The following XKR4 variants were observed in gnomAD, a reference collection of about 807,000 sequenced individuals.
The protein encoded by XKR4 is XK-related protein 4.
Under a neutral mutation model 53.9 loss-of-function variants are expected in XKR4, and 12 were observed. The ratio of observed to expected loss-of-function variants is 0.22; its 90% confidence interval spans 0.14 to 0.36. The LOEUF is 0.36. Among genes scored for constraint, XKR4 ranks in the 10% least tolerant of loss-of-function variants. The pLI is 1.00. For synonymous variants in XKR4, 354 were observed against 362.4 expected, an observed-to-expected ratio of 0.98 and a Z score of 0.26; for missense variants, 799 against 859.5, an observed-to-expected ratio of 0.93 and a Z score of 0.88.
At chr8:55,261,876 G>C (rs192911981) in intron 1 of XKR4, among the ~76,000 whole-genome samples, 203 of 151,090 alleles carry the variant, frequency 1.3e-3, no homozygotes, top group African/African-American at 4.7e-3. Flanking sequence ...GGAAGATTTG[G>C]CTTTTTTTTT....
intron 1 of XKR4, among the ~76,000 whole-genome samples, chr8:55,259,712 G>A (rs1031557559): frequency 3.9e-5 from 6 of 152,122 alleles, no homozygotes; most frequent in African/African-American, 1.2e-4. Flanking sequence ...TACCTATCTG[G>A]TCATTTTATG....
At chr8:55,390,410 T>A (rs1283332980) in intron 2 of XKR4, among the ~76,000 whole-genome samples, 1 of 152,130 alleles carries the variant, frequency 6.6e-6, no homozygotes, top group East Asian at 1.9e-4. Context: ...CTGAAAAGGG[T>A]TTTTTACAAA....
rs546719984 is a variant in XKR4, at chr8:55,242,067, CAGA to C, written c.807-115607_807-115605del. On this transcript the variant is annotated intron_variant, in intron 1 of 2. Transcript: ENST00000327381. ...CTTTTATTCTGAATGGTTTAAGTGCCAGAAGATTTTACCTATGAATGCAGCTCA... is the reference window on the plus strand; with the variant it reads ...CTTTTATTCTGAATGGTTTAAGTGCCAGATTTTACCTATGAATGCAGCTCA... Among the ~76,000 whole-genome samples, 6 of 152,162 alleles carry C rather than the reference CAGA, an allele frequency of 3.9e-5. No individual in the cohort carries two copies. In the South Asian group the frequency reaches 1.2e-3, roughly 32 times the overall value.
intron 2 of XKR4, among the ~76,000 whole-genome samples, chr8:55,361,759 C>T (rs763054306): frequency 1.2e-4 from 18 of 152,112 alleles, no homozygotes; most frequent in East Asian, 5.8e-4. Flanking sequence ...TCTGCAACCA[C>T]GCTGCGCTCC....
intron 1 of XKR4, among the ~76,000 whole-genome samples, chr8:55,307,178 G>T (rs919211035): frequency 6.6e-6 from 1 of 152,182 alleles, no homozygotes; most frequent in Admixed American, 6.5e-5. Context: ...CTCTGTGGAA[G>T]ACTCTGCTAA....
At chr8:55,188,587 A>G (rs1224341760) in intron 1 of XKR4, among the ~76,000 whole-genome samples, 2 of 152,190 alleles carry the variant, frequency 1.3e-5, no homozygotes, top group Admixed American at 1.3e-4. Flanking sequence ...TCCTTTGAAA[A>G]CAGAAACCTG....
rs562886743 is a variant in XKR4, at chr8:55,296,741, G to T, written c.807-60937G>T. 3.3e-5 allele frequency among the ~76,000 whole-genome samples: 5 copies of T among 152,176 alleles called. No homozygotes were observed. In the South Asian group the frequency reaches 1.0e-3, roughly 32 times the overall value. On this transcript the variant is annotated intron_variant, in intron 1 of 2. Transcript: ENST00000327381. Reference sequence around the variant, plus strand: ...CTGCCCAAGACTATGCAGGACCAGAGGAGACCCTAAGATTGGAGAAGTCAA... The same window carrying T: ...CTGCCCAAGACTATGCAGGACCAGATGAGACCCTAAGATTGGAGAAGTCAA...
chr8:55,472,430 T>C (rs1354029609), intron 2 of XKR4, among the ~76,000 whole-genome samples: 1 of 152,142 alleles, frequency 6.6e-6, no homozygotes, highest in African/African-American at 2.4e-5. Context: ...TGAACATGCA[T>C]TGTTATGCTG....
intron 2 of XKR4, among the ~76,000 whole-genome samples, chr8:55,493,246 T>C (rs2622580): frequency 0.42 from 63,422 of 152,098 alleles, 14,652 homozygotes; most frequent in African/African-American, 0.62. Flanking sequence ...CAGAAAATCA[T>C]AGCATCCTAC....
chr8:55,480,103 G>C (rs1806075885), intron 2 of XKR4, among the ~76,000 whole-genome samples: 1 of 152,146 alleles, frequency 6.6e-6, no homozygotes, highest in Non-Finnish European at 1.5e-5. Context: ...CAACAAAAAA[G>C]AGAATTTTAG....
At position 55,524,156 on chromosome 8, in the gene XKR4, T is replaced by A. The variant is rs560494628; in HGVS notation, c.1882T>A (p.Ser628Thr). 32 of 1,614,156 alleles carry A rather than the reference T, an allele frequency of 2.0e-5. No individual in the cohort carries two copies. The South Asian group carries it at 2.9e-4, about 14-fold the overall frequency. Reference sequence around the variant, plus strand: ...TATTTTAGCTTTTGAATGTTCCCCATCTCCTCCAAGGCTGCAGTACAAAGA... The same window carrying A: ...TATTTTAGCTTTTGAATGTTCCCCAACTCCTCCAAGGCTGCAGTACAAAGA... ...KAILAFECSP[S>T]PPRLQYKDDA... is the part of the protein sequence containing the mutation. Residue 628 changes from serine to threonine, a missense_variant, in exon 3 of 3, where the codon TCT (serine) becomes ACT (threonine). Coordinates refer to ENST00000327381, the MANE Select transcript of XKR4 (RefSeq NM_052898.2).
chr8:55,235,509 G>A (rs946551818), intron 1 of XKR4, among the ~76,000 whole-genome samples: 6 of 151,634 alleles, frequency 4.0e-5, no homozygotes, highest in Admixed American at 3.9e-4. Flanking sequence ...AGCAGTGTAT[G>A]TGTTTTAACT....
chr8:55,262,090 G>C (rs1177994860), intron 1 of XKR4, among the ~76,000 whole-genome samples: 1 of 152,088 alleles, frequency 6.6e-6, no homozygotes, highest in African/African-American at 2.4e-5. Context: ...TTTAAAATGA[G>C]TCTGACTTTG....
At chr8:55,495,534 C>T (rs556079709) in intron 2 of XKR4, among the ~76,000 whole-genome samples, 1 of 152,352 alleles carries the variant, frequency 6.6e-6, no homozygotes, top group African/African-American at 2.4e-5. Context: ...TGGCACGCAG[C>T]TCAGCCCAGC....
intron 2 of XKR4, among the ~76,000 whole-genome samples, chr8:55,490,734 C>A (rs1478364732): frequency 6.6e-6 from 1 of 152,108 alleles, no homozygotes; most frequent in African/African-American, 2.4e-5. Context: ...ACTCTGACTA[C>A]TTTTAAGATT....
intron 2 of XKR4, among the ~76,000 whole-genome samples, chr8:55,423,015 C>G (rs1804958282): frequency 6.6e-6 from 1 of 151,866 alleles, no homozygotes; most frequent in Non-Finnish European, 1.5e-5. Context: ...TGCCCCATGT[C>G]AACATGTACA....
chr8:55,119,808 G>A (rs1422457419), intron 1 of XKR4, among the ~76,000 whole-genome samples: 1 of 152,206 alleles, frequency 6.6e-6, no homozygotes, highest in Non-Finnish European at 1.5e-5. Context: ...TGGAGTGAAA[G>A]CATTTAAGTG....
intron 2 of XKR4, among the ~76,000 whole-genome samples, chr8:55,512,867 T>C (rs1806650630): frequency 6.6e-6 from 1 of 152,126 alleles, no homozygotes; most frequent in African/African-American, 2.4e-5. Context: ...TGCCTTCCTC[T>C]CTACCTGGTA....
intron 1 of XKR4, among the ~76,000 whole-genome samples, chr8:55,145,682 T>G (rs1816764748): frequency 6.6e-6 from 1 of 152,228 alleles, no homozygotes; most frequent in Admixed American, 6.5e-5. Context: ...TTCAAGAACC[T>G]AAAAGAGATT....
Sources: allele counts gnomAD v4.1 joint callset (sites outside exome capture counted in the v4.1 genomes callset), GRCh38; gene constraint gnomAD v4.1.1; transcripts MANE v1.5; gene names NCBI Gene and HGNC (gene_info 2026-07-23, HGNC 2026-07-21).